Variants in GPR89B observed in about 807,000 individuals in gnomAD.
GPR89B encodes the protein G protein-coupled receptor 89B.
GPR89B carries 25 observed loss-of-function variants against 52.4 expected under a neutral mutation model. The observed-to-expected ratio is 0.48, with a 90% CI of 0.35 to 0.67. The LOEUF is 0.67. GPR89B is among the 30% of genes least tolerant of loss of function. The probability of loss-of-function intolerance (pLI) is 0.01; values close to 1 mark genes in which losing one functional copy is unlikely to be tolerated. For missense variants in GPR89B, 146 were observed against 450.2 expected, an observed-to-expected ratio of 0.32 and a Z score of 6.11; for synonymous variants, 52 against 151.2, an observed-to-expected ratio of 0.34 and a Z score of 4.81.
intron 12 of GPR89B, among the ~76,000 whole-genome samples, chr1:147,991,459 G>T (rs1659062783): frequency 6.6e-6 from 1 of 152,002 alleles, no homozygotes. Flanking sequence ...CTGTCTGATT[G>T]CCCTGGCCAG....
At chr1:147,971,837 T>A (rs1657494730) in intron 10 of GPR89B, among the ~76,000 whole-genome samples, 1 of 151,706 alleles carries the variant, frequency 6.6e-6, no homozygotes, top group Non-Finnish European at 1.5e-5. Context: ...ACCGAACATA[T>A]ATTTATGTAC....
intron 10 of GPR89B, among the ~76,000 whole-genome samples, chr1:147,974,702 TA>T (rs1434302504): frequency 2.2e-5 from 3 of 134,370 alleles, no homozygotes; most frequent in African/African-American, 8.7e-5. Context: ...GAACTTCCAA[TA>T]CTATGTTGAA....
chr1:148,025,521 C>T, the GPR89B span, among the ~76,000 whole-genome samples: 515 of 63,960 alleles, frequency 8.1e-3, 3 homozygotes, highest in Middle Eastern at 0.048. Context: ...TAAACTCTGT[C>T]TCAAAAAAAA....
intron 5 of GPR89B, among the ~76,000 whole-genome samples, chr1:147,952,151 G>A (rs1306964879): frequency 6.6e-6 from 1 of 152,068 alleles, no homozygotes; most frequent in Non-Finnish European, 1.5e-5. Flanking sequence ...GCTGACCAAG[G>A]GCAAGATAAG....
In GPR89B at chr1:147,948,764, T is replaced by A. The variant is rs587623893; in HGVS notation, c.416-4581T>A. On this transcript the variant is annotated intron_variant, in intron 5 of 13. Transcript: ENST00000314163. Reference sequence around the variant, plus strand: ...GCCAAGAAGATAAAATAATTTTTTTTTTTTTTTTTTTTTTAATTGATCATT... The same window carrying A: ...GCCAAGAAGATAAAATAATTTTTTTATTTTTTTTTTTTTTAATTGATCATT... Among the ~76,000 whole-genome samples the A allele has an allele frequency of 5.3e-5, 8 of 151,492 alleles. No individual in the cohort carries two copies. In the South Asian group the frequency reaches 1.5e-3, roughly 28 times the overall value.
At chr1:148,015,317 CTCTCTCTCTCTCTCTCTCGACGGAG>C in the GPR89B span, among the ~76,000 whole-genome samples, 4 of 137,396 alleles carry the variant, frequency 2.9e-5, no homozygotes, top group Non-Finnish European at 6.2e-5. Flanking sequence ...CTCTCTCTCT[CTCTCTCTCTCTCTCTCTCGACGGAG>C]TCTCTCTCTG....
the GPR89B span, chr1:148,011,659 C>CA: frequency 6.6e-6 from 1 of 152,212 alleles, no homozygotes; most frequent in Non-Finnish European, 1.5e-5. Flanking sequence ...GACAGAGTCT[C>CA]ACGCACAGGT....
At chr1:147,939,970 A>G (rs1444143949) in intron 3 of GPR89B, among the ~76,000 whole-genome samples, 4 of 151,804 alleles carry the variant, frequency 2.6e-5, no homozygotes, top group African/African-American at 9.7e-5. Context: ...GGACAAGACA[A>G]TGAGACCCCA....
At chr1:147,988,795 C>T (rs1485045948) in intron 12 of GPR89B, among the ~76,000 whole-genome samples, 6 of 151,606 alleles carry the variant, frequency 4.0e-5, no homozygotes, top group South Asian at 2.1e-4. Context: ...ACCCAGGCAG[C>T]GGAGATTGCA....
chr1:148,013,796 G>C, the GPR89B span, among the ~76,000 whole-genome samples: 1 of 152,016 alleles, frequency 6.6e-6, no homozygotes, highest in African/African-American at 2.4e-5. Flanking sequence ...CCCTCTCCAA[G>C]TGCTGGAGAG....
chr1:147,965,929 C>A (rs1304682777), intron 7 of GPR89B, among the ~76,000 whole-genome samples: 1 of 151,888 alleles, frequency 6.6e-6, no homozygotes, highest in Non-Finnish European at 1.5e-5. Context: ...TCACTGCAAC[C>A]TCTGCCTCCT....
chr1:147,983,056 G>A (rs1658391686), intron 10 of GPR89B, among the ~76,000 whole-genome samples: 1 of 152,150 alleles, frequency 6.6e-6, no homozygotes, highest in Admixed American at 6.6e-5. Flanking sequence ...TGACAAACCT[G>A]AGAAAAACAA....
chr1:147,968,295 A>G (rs1158438102), intron 8 of GPR89B: 1 of 453,780 alleles, frequency 2.2e-6, no homozygotes, highest in Admixed American at 2.4e-5. Context: ...CTATCAATTA[A>G]TTGTGTGACT....
At chr1:147,983,941 T>C (rs1386669201) in intron 10 of GPR89B, among the ~76,000 whole-genome samples, 2 of 151,918 alleles carry the variant, frequency 1.3e-5, no homozygotes, top group Non-Finnish European at 2.9e-5. Flanking sequence ...TGTCCAACAA[T>C]GATAGACTGG....
the GPR89B span, among the ~76,000 whole-genome samples, chr1:148,007,970 A>G: frequency 6.6e-6 from 1 of 152,048 alleles, no homozygotes; most frequent in Non-Finnish European, 1.5e-5. Context: ...AGATTTCATT[A>G]CACTACTCAT....
chr1:147,974,752 T>C (rs1657717164), intron 10 of GPR89B, among the ~76,000 whole-genome samples: 1 of 136,998 alleles, frequency 7.3e-6, no homozygotes, highest in African/African-American at 2.8e-5. Context: ...TTGTGCCAGT[T>C]TTCAAAGGAA....
At chr1:147,946,462 A>G (rs147577173) in intron 5 of GPR89B, among the ~76,000 whole-genome samples, 1 of 152,330 alleles carries the variant, frequency 6.6e-6, no homozygotes, top group African/African-American at 2.4e-5. Context: ...GCCTATGTCA[A>G]TGGTCAACGA....
At chr1:147,975,018 A>T (rs1657734363) in intron 10 of GPR89B, among the ~76,000 whole-genome samples, 1 of 151,932 alleles carries the variant, frequency 6.6e-6, no homozygotes, top group Non-Finnish European at 1.5e-5. Flanking sequence ...CCGGGGATGA[A>T]GCTGACTTGA....
At chr1:148,016,776 C>T in the GPR89B span, among the ~76,000 whole-genome samples, 2 of 151,362 alleles carry the variant, frequency 1.3e-5, no homozygotes, top group East Asian at 3.9e-4. Flanking sequence ...CTCCCCGCTC[C>T]TTTTCAGGGA....
Sources: allele counts gnomAD v4.1 joint callset (sites outside exome capture counted in the v4.1 genomes callset), GRCh38; gene constraint gnomAD v4.1.1; transcripts MANE v1.5; gene names NCBI Gene and HGNC (gene_info 2026-07-23, HGNC 2026-07-21).